TRPV3: variants seen among roughly 807,000 people sequenced by gnomAD.
TRPV3 encodes the protein transient receptor potential cation channel subfamily V member 3, also known as VRL-3.
TRPV3 carries 88 observed loss-of-function variants against 87.1 expected under a neutral mutation model. The observed-to-expected ratio is 1.01, with a 90% CI of 0.85 to 1.21. The LOEUF is 1.21. Ranked by LOEUF, TRPV3 falls within the 50% of genes most tolerant of loss-of-function variation. The pLI is 0.00. For missense variants in TRPV3, 1,054 were observed against 1,030.1 expected, an observed-to-expected ratio of 1.02 and a Z score of -0.32; for synonymous variants, 438 against 423.3, an observed-to-expected ratio of 1.03 and a Z score of -0.43.
At position 3,528,136 on chromosome 17, in the gene TRPV3, A is replaced by G; in HGVS notation, c.1402-10T>C. On this transcript the variant is annotated splice_polypyrimidine_tract_variant and intron_variant, in intron 10 of 17. Transcript: ENST00000576742. This position sits in a 1 kb window ranked among gnomAD's most constrained non-coding sequence, Gnocchi z 4.2. ...AGGGGTGCGGGATGGCCTGCAGGGA[A>G]AGAAGAGGGGTGGTCAGTATAGGAA... 6.2e-7 allele frequency: 1 copy of G among 1,608,620 alleles called. No individual in the cohort carries two copies. The highest frequency in any genetic ancestry group is 8.5e-7 in the Non-Finnish European group (1 of 1,176,776).
Position 3,530,850 on chromosome 17 carries a change from G to A in TRPV3, c.1066-647C>T, listed in dbSNP as rs1394165648. On this transcript the variant is annotated intron_variant, in intron 8 of 17. Coordinates refer to ENST00000576742, the MANE Select transcript of TRPV3 (RefSeq NM_145068.4). This position sits in a 1 kb window ranked among gnomAD's most constrained non-coding sequence, Gnocchi z 4.0. ...GCGGGTGGATCATTTGAGGTCAGGA[G>A]TTCGAGACCAGCCTGGCCAACATGG... 6.6e-6 allele frequency among the ~76,000 whole-genome samples: 1 copy of A among 152,110 alleles called. No homozygotes were observed. Among genetic ancestry groups the A allele is most frequent in the African/African-American group, 2.4e-5 (1 of 41,402 alleles).
chr17:3,521,656 C>T (rs1289045542), intron 13 of TRPV3, among the ~76,000 whole-genome samples: 5 of 152,098 alleles, frequency 3.3e-5, no homozygotes, highest in South Asian at 2.1e-4. Context: ...CATTGTACAT[C>T]TTAAATTTAT....
intron 6 of TRPV3, among the ~76,000 whole-genome samples, chr17:3,541,898 A>G (rs906013722): frequency 6.6e-6 from 1 of 151,930 alleles, no homozygotes; most frequent in South Asian, 2.1e-4. Context: ...TTTAAATCTA[A>G]AATTATCTTA....
At position 3,516,439 on chromosome 17, in the gene TRPV3, C is replaced by A. The variant is rs749523445; in HGVS notation, c.2198+18G>T. On this transcript the variant is annotated intron_variant, in intron 16 of 17. Transcript: ENST00000576742. ...CACCCCAAAGACCACCACCCCAGGG[C>A]CCTTCTCCCTTTGTTACCGCAAACA... 6.2e-7 allele frequency: 1 copy of A among 1,604,904 alleles called. No homozygotes were observed. Among genetic ancestry groups the A allele is most frequent in the Non-Finnish European group, 8.5e-7 (1 of 1,171,622 alleles).
rs374514205 is a variant in TRPV3 at position 3,510,506 on chromosome 17, G to A, written c.*3411C>T. On this transcript the variant is annotated 3_prime_UTR_variant, in exon 18 of 18. Coordinates refer to ENST00000576742, the MANE Select transcript of TRPV3 (RefSeq NM_145068.4). ...CGCAAGGATAAAACGTGGCCATAAC[G>A]AGGCAAAACAAATATTTATTAGAAA... 1 of 152,152 alleles carries A rather than the reference G, an allele frequency of 6.6e-6. No individual in the cohort carries two copies. Among genetic ancestry groups the A allele is most frequent in the South Asian group, 2.1e-4 (1 of 4,832 alleles). The allele number at this position is 152,152 out of a possible 1,614,324, so 9.4% of individuals were successfully genotyped here.
rs1238386165 is a variant in TRPV3, at chr17:3,512,802, T to A, written c.*1115A>T. 1 of 151,932 alleles carries A rather than the reference T, an allele frequency of 6.6e-6. No homozygotes were observed. The highest frequency in any genetic ancestry group is 1.5e-5 in the Non-Finnish European group (1 of 68,000). The allele number at this position is 151,932 out of a possible 1,614,324, so 9.4% of individuals were successfully genotyped here. ...ACAAGCTTCCCCTTCAGCTTCAAAA[T>A]TCACAGTTAAAATTAAAAAAAAAAT... On this transcript the variant is annotated 3_prime_UTR_variant, in exon 18 of 18. Transcript: ENST00000576742.
chr17:3,516,528 T>C lies in TRPV3; in HGVS notation c.2127A>G (p.Glu709=). 1 of 1,614,118 alleles carries C rather than the reference T, an allele frequency of 6.2e-7. No individual in the cohort carries two copies. Among genetic ancestry groups the C allele is most frequent in the Admixed American group, 1.7e-5 (1 of 60,008 alleles). Residue 709 remains glutamate, a synonymous_variant, in exon 16 of 18, where the codon GAA becomes GAG. Transcript: ENST00000576742. ...CCATCCGGAATCTGCTCCTCAGCCATTCTGGTAACATTTTCTCAAACTCCA... is the reference window on the plus strand; with the variant it reads ...CCATCCGGAATCTGCTCCTCAGCCACTCTGGTAACATTTTCTCAAACTCCA... ...TILEFEKMLP[E]WLRSRFRMGE...
At chr17:3,514,106 T>C in intron 17 of TRPV3, 95 bp from the exon 18 acceptor site, 1 of 1,050,690 alleles carries the variant, frequency 9.5e-7, no homozygotes, top group Non-Finnish European at 1.3e-6. Context: ...GAGATGGAGT[T>C]TCCCTCTTGT....
At chr17:3,514,511 T>G in intron 17 of TRPV3, 82 bp downstream of exon 17, 1 of 986,892 alleles carries the variant, frequency 1.0e-6, no homozygotes, top group Non-Finnish European at 1.6e-6. Flanking sequence ...ATGGGGAAAG[T>G]CAGGACCCTT....
At chr17:3,551,714 A>G (rs1317681275) in intron 2 of TRPV3, among the ~76,000 whole-genome samples, 1 of 152,028 alleles carries the variant, frequency 6.6e-6, no homozygotes, top group Non-Finnish European at 1.5e-5. Context: ...GGAAGCCAAG[A>G]TGACAGCTGC....
In TRPV3 at chr17:3,544,679, CA is replaced by C. The variant is rs1406498939; in HGVS notation, c.225-15del. 4.4e-6 allele frequency: 7 copies of C among 1,593,192 alleles called. No individual in the cohort carries two copies. The highest frequency in any genetic ancestry group is 2.7e-5 in the African/African-American group (2 of 74,596). ...TTACCAGAGATGCTGGAGGTGTTGG[CA>C]GGGGGAACAGAGAGGGTTTTAAAGT... On this transcript the variant is annotated splice_polypyrimidine_tract_variant and intron_variant, in intron 3 of 17. Coordinates refer to ENST00000576742, the MANE Select transcript of TRPV3 (RefSeq NM_145068.4).
Position 3,532,720 on chromosome 17 carries a change from C to G in TRPV3, c.1002G>C (p.Glu334Asp). Residue 334 changes from glutamate to aspartate, a missense_variant, in exon 8 of 18, where the codon GAG becomes GAC. Transcript: ENST00000576742. ...ILLRSGNWELETTRNNDGLTP... is the reference protein window; with the variant it reads ...ILLRSGNWELDTTRNNDGLTP... Reference sequence around the variant, plus strand: ...TGAGGCCATCGTTGTTGCGAGTGGTCTCCAGCTCCCAGTTGCCACTCCGCA... The same window carrying G: ...TGAGGCCATCGTTGTTGCGAGTGGTGTCCAGCTCCCAGTTGCCACTCCGCA... The G allele has an allele frequency of 6.2e-7, 1 of 1,614,264 alleles. No individual in the cohort carries two copies. The highest frequency in any genetic ancestry group is 2.2e-5 in the East Asian group (1 of 44,890).
Position 3,542,693 on chromosome 17 carries a change from G to A in TRPV3, c.472C>T (p.Leu158Phe). Reference sequence around the variant, plus strand: ...TCGGAGGCCGTCAGCTTGTGCATGAGGAAGTCTGCAGGCAGGGCCATGGGT... The same window carrying A: ...TCGGAGGCCGTCAGCTTGTGCATGAAGAAGTCTGCAGGCAGGGCCATGGGT... ...RRHDEDVPDFLMHKLTASDTG... is the reference protein window; with the variant it reads ...RRHDEDVPDFFMHKLTASDTG... Residue 158 changes from leucine (L) to phenylalanine (F), a missense_variant, in exon 6 of 18, where the codon CTC (leucine) becomes TTC (phenylalanine). Transcript: ENST00000576742. The A allele has an allele frequency of 6.2e-7, 1 of 1,613,580 alleles. No homozygotes were observed. Among genetic ancestry groups the A allele is most frequent in the Non-Finnish European group, 8.5e-7 (1 of 1,179,736 alleles).
chr17:3,519,746 ATTGATGGATGAATGAT>A lies in TRPV3; in HGVS notation c.1811-912_1811-897del, dbSNP rs1177443042. On this transcript the variant is annotated intron_variant, in intron 14 of 17. Transcript: ENST00000576742. ...GATGGATGGATGGATGGATGGATGG[ATTGATGGATGAATGAT>A]TAGATGGATGGATGGATGGATGGAT... Among the ~76,000 whole-genome samples, 25 of 102,094 alleles carry A rather than the reference ATTGATGGATGAATGAT, an allele frequency of 2.4e-4. No individual in the cohort carries two copies. The Admixed American group carries it at 2.5e-3, about 10-fold the overall frequency. 67.0% of individuals were successfully genotyped at this position (102,094 alleles called of 152,430 possible). A position where few individuals can be genotyped will look rare whatever the true frequency, so the allele number is the denominator to read the frequency against.
At position 3,542,676 on chromosome 17, in the gene TRPV3, C is replaced by T. The variant is rs771432151; in HGVS notation, c.489G>A (p.Thr163=). 366 of 1,613,864 alleles carry T rather than the reference C, an allele frequency of 2.3e-4. 3 individuals are homozygous for T. The Admixed American group carries it at 5.5e-3, about 24-fold the overall frequency. The change falls in exon 6 of 18, where the codon ACG becomes ACA. Residue 163 remains threonine, a synonymous_variant. Coordinates refer to ENST00000576742, the MANE Select transcript of TRPV3 (RefSeq NM_145068.4). The stretch of plus-strand genomic sequence containing the variant: ...GGCAGGTCTTCCCCGTGTCGGAGGC[C>T]GTCAGCTTGTGCATGAGGAAGTCTG... The part of the protein sequence containing the change: ...DVPDFLMHKL[T]ASDTGKTCLM...
intron 4 of TRPV3, 92 bp from the exon 5 acceptor site, chr17:3,543,720 A>G (rs575988821): frequency 4.8e-5 from 74 of 1,532,536 alleles, no homozygotes; most frequent in Non-Finnish European, 6.2e-5. Context: ...GGGGCGCTGC[A>G]GCTGCCGCCA....
At chr17:3,522,469 G>A (rs977270891) in intron 13 of TRPV3, among the ~76,000 whole-genome samples, 6 of 152,086 alleles carry the variant, frequency 3.9e-5, no homozygotes, top group Admixed American at 2.6e-4. Flanking sequence ...GTTAGTTATT[G>A]CCATTAATCT....
At chr17:3,550,093 G>A (rs2074560257) in intron 2 of TRPV3, among the ~76,000 whole-genome samples, 1 of 152,194 alleles carries the variant, frequency 6.6e-6, no homozygotes, top group South Asian at 2.1e-4. Flanking sequence ...AAGTAATTGG[G>A]AGGGTAGGAT....
chr17:3,538,313 A>G (rs1377579461), intron 6 of TRPV3, among the ~76,000 whole-genome samples: 2 of 152,176 alleles, frequency 1.3e-5, no homozygotes, highest in Admixed American at 6.5e-5. Context: ...CAAGCACCTC[A>G]CAGAGGAGAA....
Sources: gnomAD v4.1 joint callset for allele counts (sites outside exome capture counted in the v4.1 genomes callset) on GRCh38, gnomAD v4.1.1 for gene constraint, Gnocchi (gnomAD v3.1) non-coding constraint, MANE v1.5 for transcripts, NCBI Gene and HGNC (gene_info 2026-07-23, HGNC 2026-07-21) for gene names.